The following BCR variants were observed in gnomAD, a reference collection of about 807,000 sequenced individuals.
BCR encodes the protein breakpoint cluster region protein.
BCR carries 58 observed loss-of-function variants against 138.6 expected under a neutral mutation model. The ratio of observed to expected loss-of-function variants is 0.42; its 90% CI spans 0.34 to 0.52. The LOEUF (loss-of-function observed/expected upper bound fraction) is 0.52. Among genes scored for constraint, BCR ranks in the 20% least tolerant of loss-of-function variants. The probability of loss-of-function intolerance (pLI) is 0.06; values close to 1 mark genes in which losing one functional copy is unlikely to be tolerated. For missense variants in BCR, 1,599 were observed against 1,727.2 expected (o/e 0.93, Z 1.32); for synonymous variants, 786 against 730.1 (o/e 1.08, Z -1.23).
intron 1 of BCR, among the ~76,000 whole-genome samples, chr22:23,183,399 C>T (rs1026067392): frequency 1.3e-5 from 2 of 152,202 alleles, no homozygotes; most frequent in Non-Finnish European, 2.9e-5. Context: ...ATTTTTGGCT[C>T]TTAGAGCTGC....
At chr22:23,206,840 A>G (rs545074528) in intron 1 of BCR, among the ~76,000 whole-genome samples, 1 of 143,594 alleles carries the variant, frequency 7.0e-6, no homozygotes, top group Non-Finnish European at 1.5e-5. Flanking sequence ...CTATTTATCT[A>G]TCCACCCATC....
At position 23,313,993 on chromosome 22, in the gene BCR, G is replaced by C; in HGVS notation, c.3483G>C (p.Glu1161Asp). Reference sequence around the variant, plus strand: ...CTCTTTCAGACCCGGTTGCAAAGGAGAGCTGCATGCTCAACCTGCTGCTGT... The same window carrying C: ...CTCTTTCAGACCCGGTTGCAAAGGACAGCTGCATGCTCAACCTGCTGCTGT... ...GIALSDPVAK[E>D]SCMLNLLLSL... Residue 1161 changes from glutamate (E) to aspartate (D), a missense_variant, in exon 21 of 23, where the codon GAG becomes GAC. Glu to Asp is a conservative substitution (Grantham distance 45, BLOSUM62 2). Coordinates refer to ENST00000305877, the MANE Select transcript of BCR (RefSeq NM_004327.4). The C allele has an allele frequency of 1.2e-6, 2 of 1,614,006 alleles. No individual in the cohort carries two copies. Among genetic ancestry groups the C allele is most frequent in the Non-Finnish European group, 1.7e-6 (2 of 1,180,010 alleles).
intron 16 of BCR, chr22:23,302,337 C>G (rs1392808271): frequency 6.6e-6 from 1 of 152,456 alleles, no homozygotes; most frequent in East Asian, 1.9e-4. Context: ...CCTTTCCATC[C>G]CAGACCCCTG....
intron 1 of BCR, among the ~76,000 whole-genome samples, chr22:23,247,947 C>T (rs2073173993): frequency 6.6e-6 from 1 of 152,154 alleles, no homozygotes; most frequent in Non-Finnish European, 1.5e-5. Flanking sequence ...TTACATTGTG[C>T]TTCTCCCTTC....
chr22:23,253,756 C>A, intron 1 of BCR, 43 bp from the exon 2 acceptor site: 1 of 1,573,628 alleles, frequency 6.4e-7, no homozygotes, highest in Non-Finnish European at 8.7e-7. Context: ...TATGGATGCT[C>A]CCTTCTCTGT....
intron 8 of BCR, among the ~76,000 whole-genome samples, chr22:23,281,219 G>A (rs1259570627): frequency 6.6e-6 from 1 of 152,218 alleles, no homozygotes; most frequent in East Asian, 1.9e-4. Context: ...TCCCTGTCCC[G>A]GGGCCACTGA....
intron 15 of BCR, among the ~76,000 whole-genome samples, chr22:23,294,676 G>T (rs1003262146): frequency 1.3e-5 from 2 of 152,338 alleles, no homozygotes; most frequent in African/African-American, 4.8e-5. Context: ...TGGGATTACA[G>T]GTGTGAGCCA....
At chr22:23,264,096 C>G (rs2073406983) in intron 4 of BCR, 2 of 1,476,528 alleles carry the variant, frequency 1.4e-6, no homozygotes, top group Non-Finnish European at 1.9e-6. Flanking sequence ...CACCAGTGTC[C>G]GGAAATGTGT....
intron 1 of BCR, 52 bp from the exon 2 acceptor site, chr22:23,253,747 A>G: frequency 6.4e-7 from 1 of 1,563,748 alleles, no homozygotes; most frequent in South Asian, 1.2e-5. Flanking sequence ...TGGGTTGAGT[A>G]TGGATGCTCC....
At chr22:23,194,945 T>C (rs190225386) in intron 1 of BCR, among the ~76,000 whole-genome samples, 28 of 152,038 alleles carry the variant, frequency 1.8e-4, no homozygotes, top group Admixed American at 1.6e-3. Flanking sequence ...CAAGACCCTA[T>C]CTCTAAAAAG....
intron 7 of BCR, 73 bp from the exon 8 acceptor site, chr22:23,273,561 G>A: frequency 1.3e-6 from 2 of 1,599,508 alleles, no homozygotes; most frequent in Non-Finnish European, 1.7e-6. Context: ...CACACTTTGT[G>A]TCTGCACTTT....
chr22:23,311,347 G>T (rs1294070013), intron 18 of BCR, among the ~76,000 whole-genome samples: 1 of 150,474 alleles, frequency 6.6e-6, no homozygotes. Context: ...CCAACACCGG[G>T]TCTGACCTCC....
intron 7 of BCR, 90 bp from the exon 8 acceptor site, chr22:23,273,544 C>T (rs1203438159): frequency 4.5e-6 from 7 of 1,560,766 alleles, no homozygotes; most frequent in Non-Finnish European, 5.2e-6. Flanking sequence ...GCGCTCTGGG[C>T]TCCGTCCACA....
At chr22:23,206,941 T>C (rs8139269) in intron 1 of BCR, among the ~76,000 whole-genome samples, 3,539 of 28,926 alleles carry the variant, frequency 0.12, 199 homozygotes, top group African/African-American at 0.32. Flanking sequence ...ATCCATTCAT[T>C]CCTCCCTCCC....
chr22:23,244,308 C>G (rs1602057549), intron 1 of BCR, among the ~76,000 whole-genome samples: 1 of 152,196 alleles, frequency 6.6e-6, no homozygotes, highest in Non-Finnish European at 1.5e-5. Context: ...TTCATTACAT[C>G]TGCAAAAAGA....
At chr22:23,238,244 G>A (rs2073047683) in intron 1 of BCR, among the ~76,000 whole-genome samples, 3 of 152,190 alleles carry the variant, frequency 2.0e-5, no homozygotes, top group South Asian at 2.1e-4. Context: ...TGGGAACAGA[G>A]GGAATTATAT....
At chr22:23,200,245 G>A (rs1264547626) in intron 1 of BCR, among the ~76,000 whole-genome samples, 1 of 152,188 alleles carries the variant, frequency 6.6e-6, no homozygotes, top group African/African-American at 2.4e-5. Context: ...CAGAGCCGGT[G>A]GCTTAGGTCT....
intron 1 of BCR, among the ~76,000 whole-genome samples, chr22:23,233,465 G>C (rs1367083499): frequency 6.6e-6 from 1 of 152,154 alleles, no homozygotes; most frequent in African/African-American, 2.4e-5. Context: ...ATATGCACGT[G>C]GTGCACGCCT....
intron 1 of BCR, among the ~76,000 whole-genome samples, chr22:23,233,815 A>G (rs2072989363): frequency 3.3e-5 from 1 of 30,274 alleles, no homozygotes; most frequent in African/African-American, 1.8e-4. Flanking sequence ...AAAAAAAAGA[A>G]AAAAAAAAAG....
Sources: allele counts gnomAD v4.1 joint callset (sites outside exome capture counted in the v4.1 genomes callset), GRCh38; gene constraint gnomAD v4.1.1; transcripts MANE v1.5; gene names NCBI Gene and HGNC (gene_info 2026-07-23, HGNC 2026-07-21).